The following ADRA1A variants were observed in gnomAD, a reference collection of about 807,000 sequenced individuals.
ADRA1A encodes the protein adrenoceptor alpha 1A.
ADRA1A carries 31 observed loss-of-function variants against 29.6 expected under a neutral mutation model. The observed-to-expected ratio is 1.05, with a 90% CI of 0.79 to 1.41. ADRA1A has a LOEUF of 1.41. Ranked by LOEUF, ADRA1A falls within the 40% of genes most tolerant of loss-of-function variation. The probability of loss-of-function intolerance (pLI) is 0.00; values close to 1 mark genes in which losing one functional copy is unlikely to be tolerated. For missense variants in ADRA1A, 619 were observed against 601.1 expected, an observed-to-expected ratio of 1.03 and a Z score of -0.31; for synonymous variants, 311 against 254.3, an observed-to-expected ratio of 1.22 and a Z score of -2.12.
rs1812377276 is a variant in ADRA1A, at chr8:26,848,459, C to T, written c.883+15628G>A. On this transcript the variant is annotated intron_variant, in intron 2 of 2. Transcript: ENST00000380573. This position sits in a 1 kb window ranked among gnomAD's most constrained non-coding sequence, Gnocchi z 4.3. ...GTACCAGAGAGCTCTCTCTCTCTCT[C>T]TCTTCATCAGGTGAGAATGCAGGGA... Among the ~76,000 whole-genome samples, 1 of 152,200 alleles carries T rather than the reference C, an allele frequency of 6.6e-6. No individual in the cohort carries two copies. Among genetic ancestry groups the T allele is most frequent in the South Asian group, 2.1e-4 (1 of 4,832 alleles).
At position 26,782,517 on chromosome 8, in the gene ADRA1A, A is replaced by G. The variant is rs1014301681; in HGVS notation, c.884-11851T>C. ...ACATTTTTGAAAATAGGAATTGGCC[A>G]TGCCTTCCTCTTTCATATAAATGTC... On this transcript the variant is annotated intron_variant, in intron 2 of 2. Coordinates refer to ENST00000380573, the MANE Select transcript of ADRA1A (RefSeq NM_000680.4). Among the ~76,000 whole-genome samples the G allele has an allele frequency of 6.6e-5, 10 of 152,180 alleles. No homozygotes were observed. In the South Asian group the frequency reaches 2.1e-3, roughly 32 times the overall value.
At chr8:26,764,814 A>G (rs941227654), downstream of ADRA1A, among the ~76,000 whole-genome samples, 6 of 152,218 alleles carry the variant, frequency 3.9e-5, no homozygotes, top group African/African-American at 1.4e-4. Flanking sequence ...ATGCACCTAC[A>G]GGATCCGGCT....
chr8:26,780,118 G>A (rs1021161563), intron 2 of ADRA1A, among the ~76,000 whole-genome samples: 1 of 151,334 alleles, frequency 6.6e-6, no homozygotes, highest in African/African-American at 2.4e-5. Flanking sequence ...TGTCATTCAA[G>A]GCCCCTTTAT....
At chr8:26,824,543 T>C (rs780927338) in intron 2 of ADRA1A, among the ~76,000 whole-genome samples, 3 of 152,242 alleles carry the variant, frequency 2.0e-5, no homozygotes, top group African/African-American at 4.8e-5. Flanking sequence ...ATTGATGAGT[T>C]TGGGCTAGAA....
At chr8:26,849,211 A>G (rs2130734919) in intron 2 of ADRA1A, among the ~76,000 whole-genome samples, 1 of 152,352 alleles carries the variant, frequency 6.6e-6, no homozygotes, top group East Asian at 1.9e-4. Context: ...CACATCAACA[A>G]AAGACGGGAA....
At chr8:26,792,896 GTAAATGGATTAAAGT>G (rs1807935545) in intron 2 of ADRA1A, among the ~76,000 whole-genome samples, 1 of 151,122 alleles carries the variant, frequency 6.6e-6, no homozygotes, top group East Asian at 1.9e-4. Flanking sequence ...AAAAATAAAT[GTAAATGGATTAAAGT>G]GCTGTGTTAA....
At chr8:26,863,242 T>C (rs886564080) in intron 2 of ADRA1A, among the ~76,000 whole-genome samples, 3 of 152,220 alleles carry the variant, frequency 2.0e-5, no homozygotes, top group Admixed American at 1.3e-4. Flanking sequence ...AGGAGATAGA[T>C]GTCTATTCCA....
intron 2 of ADRA1A, among the ~76,000 whole-genome samples, chr8:26,849,110 C>G (rs1233745209): frequency 6.6e-6 from 1 of 152,146 alleles, no homozygotes; most frequent in Non-Finnish European, 1.5e-5. Context: ...TAGGGAAAGC[C>G]AAAGTTCATA....
chr8:26,848,533 A>T lies in ADRA1A; in HGVS notation c.883+15554T>A, dbSNP rs1812383498. 6.6e-6 allele frequency among the ~76,000 whole-genome samples: 1 copy of T among 152,218 alleles called. No homozygotes were observed. Among genetic ancestry groups the T allele is most frequent in the Non-Finnish European group, 1.5e-5 (1 of 68,030 alleles). On this transcript the variant is annotated intron_variant, in intron 2 of 2. Transcript: ENST00000380573. This position sits in a 1 kb window ranked among gnomAD's most constrained non-coding sequence, Gnocchi z 4.3. ...CAGGAGAACCCTCACCAAGAGCCTG[A>T]CAATGCTAGAACCCTGATCTCAGAC...
chr8:26,791,921 G>T (rs1165526906), intron 2 of ADRA1A, among the ~76,000 whole-genome samples: 1 of 152,072 alleles, frequency 6.6e-6, no homozygotes, highest in Non-Finnish European at 1.5e-5. Context: ...CCTAACACCA[G>T]CCTCCCTATC....
rs1197224681 is a variant in ADRA1A, at chr8:26,860,446, T to A, written c.883+3641A>T. Among the ~76,000 whole-genome samples the A allele has an allele frequency of 6.6e-6, 1 of 152,138 alleles. No individual in the cohort carries two copies. Among genetic ancestry groups the A allele is most frequent in the Non-Finnish European group, 1.5e-5 (1 of 68,028 alleles). On this transcript the variant is annotated intron_variant, in intron 2 of 2. Coordinates refer to ENST00000380573, the MANE Select transcript of ADRA1A (RefSeq NM_000680.4). The surrounding 1 kb of genome is among the most constrained non-coding windows in gnomAD (Gnocchi z 4.7). Reference sequence around the variant, plus strand: ...CTGTATCCCTCAGCTGCTTAGCTCTTAGAGAAAAACACACAACCCTCCTTC... The same window carrying A: ...CTGTATCCCTCAGCTGCTTAGCTCTAAGAGAAAAACACACAACCCTCCTTC...
At chr8:26,766,249 G>C (rs1175538604), downstream of ADRA1A, 11 of 849,950 alleles carry the variant, frequency 1.3e-5, no homozygotes, top group East Asian at 2.7e-4. Flanking sequence ...TCCCAAAAGT[G>C]TTTCTATGAA....
At chr8:26,859,096 C>A in intron 2 of ADRA1A, 1 of 1,288,972 alleles carries the variant, frequency 7.8e-7, no homozygotes, top group Non-Finnish European at 1.0e-6. Context: ...GGATAGCACA[C>A]TCATCCCTGC....
chr8:26,833,804 T>C (rs942723886), intron 2 of ADRA1A, among the ~76,000 whole-genome samples: 5 of 152,232 alleles, frequency 3.3e-5, no homozygotes, highest in Non-Finnish European at 5.9e-5. Context: ...AGCTGGCATA[T>C]GGCTTCAAAA....
chr8:26,854,011 TCTCTGCCTCTCTCTCTC>T (rs1812818846), intron 2 of ADRA1A: 1 of 152,142 alleles, frequency 6.6e-6, no homozygotes, highest in African/African-American at 2.4e-5. Context: ...TCTCTCTCTC[TCTCTGCCTCTCTCTCTC>T]TCTGCTGTCC....
At chr8:26,829,259 T>C (rs563645380) in intron 2 of ADRA1A, among the ~76,000 whole-genome samples, 51 of 151,974 alleles carry the variant, frequency 3.4e-4, no homozygotes, top group Non-Finnish European at 5.7e-4. Context: ...GAGAGAAATA[T>C]AGGCTGACAA....
intron 2 of ADRA1A, among the ~76,000 whole-genome samples, chr8:26,849,941 T>G (rs929433969): frequency 9.4e-5 from 13 of 138,530 alleles, no homozygotes; most frequent in Non-Finnish European, 1.7e-4. Flanking sequence ...AAAAACCAAA[T>G]AAGTAAAGTG....
chr8:26,756,327 ACC>A (rs1805162809), downstream of ADRA1A: 29 of 712,084 alleles, frequency 4.1e-5, no homozygotes, highest in Non-Finnish European at 5.5e-5. Context: ...GAATATTTTA[ACC>A]CATAAAAGTT....
chr8:26,833,251 G>A (rs912489830), intron 2 of ADRA1A, among the ~76,000 whole-genome samples: 6 of 152,106 alleles, frequency 3.9e-5, no homozygotes, highest in Non-Finnish European at 8.8e-5. Context: ...GACACTGGCC[G>A]GATGATTTCC....
Sources: allele counts gnomAD v4.1 joint callset (sites outside exome capture counted in the v4.1 genomes callset), GRCh38; gene constraint gnomAD v4.1.1; non-coding constraint Gnocchi (gnomAD v3.1); transcripts MANE v1.5; gene names NCBI Gene and HGNC (gene_info 2026-07-23, HGNC 2026-07-21).